Variants in GRID2 observed in about 807,000 individuals in gnomAD.
The protein encoded by GRID2 is glutamate receptor ionotropic, delta-2.
In GRID2, 33 loss-of-function variants were observed where a neutral mutation model predicts 114.8. That is an observed-to-expected ratio of 0.29 (90% confidence interval 0.22 to 0.38). The LOEUF is 0.38. Ranked by LOEUF, GRID2 falls within the 10% of genes least tolerant of loss-of-function variation. The pLI is 1.00. For synonymous variants in GRID2, 505 were observed against 449.9 expected, an observed-to-expected ratio of 1.12 and a Z score of -1.55; for missense variants, 1,184 against 1,257.7, an observed-to-expected ratio of 0.94 and a Z score of 0.89.
chr4:93,387,649 G>A (rs927936080), intron 8 of GRID2, among the ~76,000 whole-genome samples: 3 of 152,070 alleles, frequency 2.0e-5, no homozygotes, highest in Non-Finnish European at 4.4e-5. Context: ...GGCCAACACA[G>A]TGGAACCCCA....
chr4:92,431,066 T>C (rs918740155), intron 1 of GRID2, among the ~76,000 whole-genome samples: 3 of 152,212 alleles, frequency 2.0e-5, no homozygotes, highest in African/African-American at 4.8e-5. Context: ...ATAATTTAAC[T>C]AATTCCTTAG....
intron 1 of GRID2, among the ~76,000 whole-genome samples, chr4:92,491,393 T>C (rs1328296881): frequency 6.6e-6 from 1 of 152,168 alleles, no homozygotes. Context: ...TATAACTGTA[T>C]ACTCCCCAAG....
intron 8 of GRID2, among the ~76,000 whole-genome samples, chr4:93,270,506 G>A (rs1470732415): frequency 1.3e-5 from 2 of 152,108 alleles, no homozygotes; most frequent in Non-Finnish European, 2.9e-5. Context: ...AATGTGTTAC[G>A]AGTCTTACTG....
At chr4:92,909,395 C>T (rs1231251894) in intron 2 of GRID2, among the ~76,000 whole-genome samples, 3 of 151,852 alleles carry the variant, frequency 2.0e-5, no homozygotes, top group Non-Finnish European at 2.9e-5. Context: ...AACACCTTCC[C>T]TCAATTTGAA....
At chr4:93,711,840 A>C (rs1728508714) in intron 14 of GRID2, among the ~76,000 whole-genome samples, 1 of 152,154 alleles carries the variant, frequency 6.6e-6, no homozygotes, top group African/African-American at 2.4e-5. Context: ...TCCTCGATAC[A>C]ATGTTAAAAT....
At position 92,956,638 on chromosome 4, in the gene GRID2, C is replaced by G. The variant is rs886775207; in HGVS notation, c.245-128357C>G. 7.2e-5 allele frequency among the ~76,000 whole-genome samples: 11 copies of G among 152,258 alleles called. No homozygotes were observed. In the East Asian group the frequency reaches 7.7e-4, roughly 11 times the overall value. ...TAAGCATCAATTTTCAGGTTTTTGT[C>G]TGAACATAAGTTTTCATCTCCTTTG... On this transcript the variant is annotated intron_variant, in intron 2 of 15. Coordinates refer to ENST00000282020, the MANE Select transcript of GRID2 (RefSeq NM_001510.4).
intron 1 of GRID2, among the ~76,000 whole-genome samples, chr4:92,477,038 CATGTGTGTGTGTGTGTGTGTGTGTGT>C (rs1360663804): frequency 1.3e-4 from 14 of 104,884 alleles, no homozygotes; most frequent in African/African-American, 3.7e-4. Flanking sequence ...GATTTAACTT[CATGTGTGTGTGTGTGTGTGTGTGTGT>C]GTGTGTGTGT....
chr4:92,843,032 A>G (rs1743027991), intron 2 of GRID2, among the ~76,000 whole-genome samples: 1 of 152,154 alleles, frequency 6.6e-6, no homozygotes, highest in Non-Finnish European at 1.5e-5. Context: ...TGAGCCCAGG[A>G]GTTTGAGACA....
intron 9 of GRID2, among the ~76,000 whole-genome samples, chr4:93,405,105 A>C (rs1241154721): frequency 6.6e-6 from 1 of 152,128 alleles, no homozygotes; most frequent in African/African-American, 2.4e-5. Context: ...ACTCATTTTT[A>C]TTATTGAAAC....
intron 8 of GRID2, among the ~76,000 whole-genome samples, chr4:93,242,623 G>A (rs1490771856): frequency 2.0e-5 from 3 of 152,010 alleles, no homozygotes; most frequent in Non-Finnish European, 2.9e-5. Context: ...TGGCTCGAGA[G>A]GTTAGTGTGT....
intron 14 of GRID2, among the ~76,000 whole-genome samples, chr4:93,715,557 C>G (rs1248331202): frequency 1.3e-5 from 2 of 152,168 alleles, no homozygotes; most frequent in African/African-American, 4.8e-5. Context: ...TTCTTCCTAT[C>G]CATAAGCATG....
chr4:93,174,704 T>C (rs1739182176), intron 4 of GRID2, among the ~76,000 whole-genome samples: 1 of 152,108 alleles, frequency 6.6e-6, no homozygotes, highest in African/African-American at 2.4e-5. Context: ...AATACAGCCC[T>C]CACCGGAAAC....
At chr4:92,443,318 T>C (rs926113251) in intron 1 of GRID2, among the ~76,000 whole-genome samples, 31 of 152,230 alleles carry the variant, frequency 2.0e-4, no homozygotes, top group African/African-American at 5.5e-4. Context: ...TGGGGTCAAG[T>C]GGCATTGCAG....
intron 2 of GRID2, among the ~76,000 whole-genome samples, chr4:92,785,171 A>G (rs1739259615): frequency 6.6e-6 from 1 of 150,810 alleles, no homozygotes; most frequent in African/African-American, 2.4e-5. Flanking sequence ...AACATTATAT[A>G]GATTGTTTTA....
In GRID2 at chr4:92,339,778, C is replaced by T. The variant is rs968288466; in HGVS notation, c.88+35034C>T. Among the ~76,000 whole-genome samples, 8 of 152,212 alleles carry T rather than the reference C, an allele frequency of 5.3e-5. 1 individual carries two copies. The highest frequency in any genetic ancestry group is 3.3e-4 in the Admixed American group (5 of 15,280). On this transcript the variant is annotated intron_variant, in intron 1 of 15. Transcript: ENST00000282020. ...AGACTGCACAAGATAATTTTAATAA[C>T]GAAATAAAACTCGAAGAAGTTCTCA...
chr4:92,493,250 A>C (rs1336696826), intron 1 of GRID2, among the ~76,000 whole-genome samples: 2 of 152,132 alleles, frequency 1.3e-5, no homozygotes, highest in Non-Finnish European at 2.9e-5. Flanking sequence ...TTATAAAACT[A>C]TTCTATTAAG....
intron 8 of GRID2, among the ~76,000 whole-genome samples, chr4:93,244,873 G>C (rs1748023626): frequency 6.6e-6 from 1 of 151,302 alleles, no homozygotes; most frequent in South Asian, 2.1e-4. Flanking sequence ...CCTGTTTTAT[G>C]TTTTCTTAAA....
chr4:93,315,190 A>G (rs1352663139), intron 8 of GRID2, among the ~76,000 whole-genome samples: 2 of 152,076 alleles, frequency 1.3e-5, no homozygotes, highest in Non-Finnish European at 2.9e-5. Context: ...CAAGAACAGC[A>G]TGAGGGGAAA....
intron 2 of GRID2, among the ~76,000 whole-genome samples, chr4:92,609,724 G>A (rs1243989590): frequency 2.0e-5 from 3 of 151,212 alleles, no homozygotes; most frequent in African/African-American, 7.3e-5. Flanking sequence ...TCATATCTTT[G>A]AGAATACCTT....
Sources: gnomAD v4.1 joint callset for allele counts (sites outside exome capture counted in the v4.1 genomes callset) on GRCh38, gnomAD v4.1.1 for gene constraint, MANE v1.5 for transcripts, NCBI Gene and HGNC (gene_info 2026-07-23, HGNC 2026-07-21) for gene names.